Variants in AUTS2 observed in about 807,000 individuals in gnomAD.
AUTS2 encodes the protein autism susceptibility gene 2 protein.
Under a neutral mutation model 112.4 loss-of-function variants are expected in AUTS2, and 17 were observed. That is an observed-to-expected ratio of 0.15 (90% CI 0.10 to 0.23). The LOEUF (loss-of-function observed/expected upper bound fraction) is 0.23. Ranked by LOEUF, AUTS2 falls within the 10% of genes least tolerant of loss-of-function variation. AUTS2 has a pLI of 1.00. For synonymous variants in AUTS2, 751 were observed against 702.7 expected (o/e 1.07, Z -1.09); for missense variants, 1,510 against 1,701.6 (o/e 0.89, Z 1.98).
chr7:69,669,621 A>G (rs1238990732), intron 1 of AUTS2, among the ~76,000 whole-genome samples: 1 of 152,194 alleles, frequency 6.6e-6, no homozygotes, highest in African/African-American at 2.4e-5. Context: ...TTCTTTATGT[A>G]GTATGTAGAT....
chr7:69,881,833 T>G (rs1269371705), intron 1 of AUTS2, among the ~76,000 whole-genome samples: 1 of 152,166 alleles, frequency 6.6e-6, no homozygotes, highest in Admixed American at 6.6e-5. Context: ...AAATTGTACT[T>G]TCTTCGCATT....
At chr7:70,134,970 A>G (rs1554321128) in intron 4 of AUTS2, among the ~76,000 whole-genome samples, 2 of 152,144 alleles carry the variant, frequency 1.3e-5, no homozygotes, top group South Asian at 2.1e-4. Context: ...TTCATATACA[A>G]TGAGTTGCCT....
chr7:69,921,327 G>GTTTTTTTTTTTTTTTT (rs11289784), intron 2 of AUTS2, among the ~76,000 whole-genome samples: 1 of 90,404 alleles, frequency 1.1e-5, no homozygotes. Flanking sequence ...TAGACTTGAA[G>GTTTTTTTTTTTTTTTT]TTTTTTTTTT....
At chr7:70,233,162 T>G (rs1253342077) in intron 4 of AUTS2, among the ~76,000 whole-genome samples, 1 of 152,206 alleles carries the variant, frequency 6.6e-6, no homozygotes, top group Non-Finnish European at 1.5e-5. Context: ...TAAAGCCATA[T>G]GACCTTTCAT....
In AUTS2 at chr7:70,643,311, G is replaced by A. The variant is rs185024887; in HGVS notation, c.691-55258G>A. On this transcript the variant is annotated intron_variant, in intron 5 of 18. Coordinates refer to ENST00000342771, the MANE Select transcript of AUTS2 (RefSeq NM_015570.4). The stretch of plus-strand genomic sequence containing the variant: ...ATCTAGGCCAGGCGTGGTGGCTCAC[G>A]CCCGTAATCCCAGCACTCTGGGAGG... Among the ~76,000 whole-genome samples the A allele has an allele frequency of 6.5e-4, 99 of 152,336 alleles. 1 individual carries two copies. Among genetic ancestry groups the A allele is most frequent in the East Asian group, 1.5e-3 (8 of 5,182 alleles).
At chr7:70,461,109 A>G (rs1696465804) in intron 5 of AUTS2, among the ~76,000 whole-genome samples, 1 of 152,174 alleles carries the variant, frequency 6.6e-6, no homozygotes, top group Non-Finnish European at 1.5e-5. Flanking sequence ...GAGGAACAGG[A>G]TGATGAGATT....
At chr7:70,189,850 G>A (rs1049169497) in intron 4 of AUTS2, among the ~76,000 whole-genome samples, 12 of 152,116 alleles carry the variant, frequency 7.9e-5, no homozygotes, top group Non-Finnish European at 1.3e-4. Context: ...ACTATCGTTA[G>A]CCACTTGTTA....
chr7:69,796,140 C>T lies in AUTS2; in HGVS notation c.310-103146C>T, dbSNP rs563971753. 5.3e-4 allele frequency among the ~76,000 whole-genome samples: 81 copies of T among 152,280 alleles called. 2 individuals are homozygous for T. In the South Asian group the frequency reaches 1.0e-2, roughly 19 times the overall value. ...AAATGACACCTGAAGTTTTCAGTTC[C>T]TTTTCGCATCTTCAGCAATCCATAG... On this transcript the variant is annotated intron_variant, in intron 1 of 18. Coordinates refer to ENST00000342771, the MANE Select transcript of AUTS2 (RefSeq NM_015570.4).
chr7:70,084,618 T>TC (rs1248203102), intron 2 of AUTS2, among the ~76,000 whole-genome samples: 1 of 152,230 alleles, frequency 6.6e-6, no homozygotes, highest in Non-Finnish European at 1.5e-5. Context: ...GAATTGCATT[T>TC]CCCTAATGAA....
intron 2 of AUTS2, among the ~76,000 whole-genome samples, chr7:69,980,856 T>A (rs1013406342): frequency 6.6e-6 from 1 of 152,188 alleles, no homozygotes; most frequent in Non-Finnish European, 1.5e-5. Context: ...AGGGCTCGTT[T>A]TAGAATGGTA....
chr7:70,051,082 C>T (rs1434912024), intron 2 of AUTS2, among the ~76,000 whole-genome samples: 1 of 152,254 alleles, frequency 6.6e-6, no homozygotes, highest in African/African-American at 2.4e-5. Flanking sequence ...ATGTGTGTTA[C>T]AGCTCACTTT....
intron 2 of AUTS2, among the ~76,000 whole-genome samples, chr7:70,085,918 G>T (rs1192451228): frequency 2.2e-5 from 3 of 138,876 alleles, no homozygotes; most frequent in Non-Finnish European, 4.7e-5. Flanking sequence ...TTTCTTAAGG[G>T]TTGTATAAAA....
intron 1 of AUTS2, among the ~76,000 whole-genome samples, chr7:69,693,081 G>A (rs900506819): frequency 3.3e-5 from 5 of 152,214 alleles, no homozygotes; most frequent in Admixed American, 1.3e-4. Flanking sequence ...GTTTAGAGTT[G>A]TATAGACCTT....
intron 1 of AUTS2, among the ~76,000 whole-genome samples, chr7:69,766,269 G>A (rs1227356838): frequency 1.3e-5 from 2 of 152,188 alleles, no homozygotes; most frequent in African/African-American, 2.4e-5. Context: ...GTTGTAGTAT[G>A]TATGTATCAG....
intron 5 of AUTS2, among the ~76,000 whole-genome samples, chr7:70,440,964 A>G (rs956978852): frequency 6.6e-6 from 1 of 152,178 alleles, no homozygotes; most frequent in African/African-American, 2.4e-5. Context: ...ACTGCCTTAT[A>G]GTAAATGTCA....
At chr7:70,282,189 C>T (rs1415108798) in intron 4 of AUTS2, among the ~76,000 whole-genome samples, 4 of 152,186 alleles carry the variant, frequency 2.6e-5, no homozygotes, top group Middle Eastern at 3.4e-3. Context: ...ACTGTAAAAT[C>T]GTAGGCCTTT....
chr7:70,188,439 G>T (rs1809715877), intron 4 of AUTS2, among the ~76,000 whole-genome samples: 1 of 152,148 alleles, frequency 6.6e-6, no homozygotes, highest in Non-Finnish European at 1.5e-5. Context: ...GTGAATAATT[G>T]TAGGAAGAGA....
chr7:70,436,959 G>A (rs1795918405), intron 5 of AUTS2: 1 of 152,224 alleles, frequency 6.6e-6, no homozygotes, highest in African/African-American at 2.4e-5. Flanking sequence ...AATGCTCTCT[G>A]GAGAAATCAT....
chr7:70,235,069 C>T (rs1230838971), intron 4 of AUTS2, among the ~76,000 whole-genome samples: 2 of 152,102 alleles, frequency 1.3e-5, no homozygotes, highest in Non-Finnish European at 2.9e-5. Context: ...GTTTAATATA[C>T]TAAAATGATT....
Sources: gnomAD v4.1 joint callset for allele counts (sites outside exome capture counted in the v4.1 genomes callset) on GRCh38, gnomAD v4.1.1 for gene constraint, MANE v1.5 for transcripts, NCBI Gene and HGNC (gene_info 2026-07-23, HGNC 2026-07-21) for gene names.